The following TACC2 variants were observed in gnomAD, a reference collection of about 807,000 sequenced individuals.
TACC2 encodes the protein transforming acidic coiled-coil containing protein 2.
In TACC2, 137 loss-of-function variants were observed where a neutral mutation model predicts 227.3. That is an observed-to-expected ratio of 0.60 (90% CI 0.52 to 0.69). The LOEUF (loss-of-function observed/expected upper bound fraction) is 0.69, where lower values mean the gene tolerates loss of function less well. Among genes scored for constraint, TACC2 ranks in the 30% least tolerant of loss-of-function variants. The probability of loss-of-function intolerance (pLI) is 0.00; values close to 1 mark genes in which losing one functional copy is unlikely to be tolerated. For missense variants in TACC2, 3,470 were observed against 3,694.4 expected (o/e 0.94, Z 1.57); for synonymous variants, 1,523 against 1,487.5 (o/e 1.02, Z -0.55).
chr10:122,132,244 C>T (rs1332952348), intron 5 of TACC2, among the ~76,000 whole-genome samples: 3 of 152,092 alleles, frequency 2.0e-5, no homozygotes, highest in African/African-American at 7.2e-5. Flanking sequence ...GCTGTTAAAA[C>T]ACATTGAAAA....
chr10:122,075,122 C>T (rs1319466783), intron 3 of TACC2, among the ~76,000 whole-genome samples: 1 of 151,786 alleles, frequency 6.6e-6, no homozygotes, highest in African/African-American at 2.4e-5. Context: ...ATAGGGCAAC[C>T]CGCTCGGGTC....
rs533421355 is a variant in TACC2 at position 122,041,976 on chromosome 10, C to T, written c.34-8462C>T. ...TCTTTTCTTTTTTGAGACGGAGTCT[C>T]GCTCTGTCACCCAGGCTGGAGTGCA... is the stretch of plus-strand genomic sequence containing the variant. On this transcript the variant is annotated intron_variant, in intron 2 of 22. Coordinates refer to ENST00000369005, the MANE Select transcript of TACC2 (RefSeq NM_206862.4). Among the ~76,000 whole-genome samples, 44 of 151,000 alleles carry T rather than the reference C, an allele frequency of 2.9e-4. No homozygotes were observed. In the South Asian group the frequency reaches 7.0e-3, roughly 24 times the overall value.
At chr10:122,231,909 G>A (rs188960296) in intron 16 of TACC2, among the ~76,000 whole-genome samples, 13 of 152,350 alleles carry the variant, frequency 8.5e-5, no homozygotes, top group East Asian at 1.9e-4. Context: ...CTGCAGGGGG[G>A]CAGTGAGGTC....
intron 1 of TACC2, among the ~76,000 whole-genome samples, chr10:121,990,085 T>C (rs191241470): frequency 1.5e-3 from 228 of 152,290 alleles, no homozygotes; most frequent in African/African-American, 5.2e-3. Flanking sequence ...TTTTTTGAGA[T>C]ATTTTATTAA....
chr10:122,065,336 T>G (rs1228133002), intron 3 of TACC2, among the ~76,000 whole-genome samples: 1 of 152,228 alleles, frequency 6.6e-6, no homozygotes. Flanking sequence ...TCTGTTTTCA[T>G]TTTCATTCTG....
At chr10:122,076,146 C>A (rs1016369749) in intron 3 of TACC2, among the ~76,000 whole-genome samples, 6 of 152,120 alleles carry the variant, frequency 3.9e-5, no homozygotes, top group African/African-American at 1.4e-4. Context: ...GGGCAAGGGG[C>A]TGCTCCTGGT....
intron 7 of TACC2, among the ~76,000 whole-genome samples, chr10:122,186,676 C>G (rs1014855495): frequency 4.6e-5 from 7 of 152,068 alleles, no homozygotes; most frequent in African/African-American, 1.7e-4. Context: ...CCATACCTGG[C>G]TAATTTTTAT....
At chr10:122,192,356 G>A in intron 7 of TACC2, 1 of 271,528 alleles carries the variant, frequency 3.7e-6, no homozygotes, top group Non-Finnish European at 7.4e-6. Flanking sequence ...GAATTCAGGG[G>A]CTAGAACCGA....
rs377572872 is a variant in TACC2, at chr10:122,216,686, C to T, written c.7404C>T (p.Ala2468=). 4 of 1,613,874 alleles carry T rather than the reference C, an allele frequency of 2.5e-6. No homozygotes were observed. In the African/African-American group the frequency reaches 5.3e-5, roughly 22 times the overall value. ...CAGTGATCTCTGCGGTGGTCCACGCCACAGATGAGGAAAAGCTGGCGGTCA... is the reference window on the plus strand; with the variant it reads ...CAGTGATCTCTGCGGTGGTCCACGCTACAGATGAGGAAAAGCTGGCGGTCA... ...TPPVISAVVH[A]TDEEKLAVTN... The change falls in exon 11 of 23, where the codon GCC becomes GCT. Residue 2468 remains alanine, a synonymous_variant. Coordinates refer to ENST00000369005, the MANE Select transcript of TACC2 (RefSeq NM_206862.4).
intron 2 of TACC2, among the ~76,000 whole-genome samples, chr10:122,046,036 G>C (rs894415963): frequency 6.6e-6 from 1 of 152,138 alleles, no homozygotes; most frequent in Non-Finnish European, 1.5e-5. Flanking sequence ...TTAGCTGGGT[G>C]TGGTGGTGCA....
rs1052582146 is a variant in TACC2, at chr10:122,132,604, C to T, written c.5574-5C>T. The stretch of plus-strand genomic sequence containing the variant: ...GTTTAGGTTCTTTCCCTTTTCTCTC[C>T]CCAGTTCACCTGTGGCAGATGATAT... On this transcript the variant is annotated splice_region_variant and splice_polypyrimidine_tract_variant and intron_variant, in intron 5 of 22. Coordinates refer to ENST00000369005, the MANE Select transcript of TACC2 (RefSeq NM_206862.4). The T allele has an allele frequency of 1.9e-5, 30 of 1,614,000 alleles. No homozygotes were observed. The highest frequency in any genetic ancestry group is 5.3e-5 in the African/African-American group (4 of 74,900).
chr10:122,136,004 A>G (rs1325894890), intron 6 of TACC2, among the ~76,000 whole-genome samples: 3 of 152,238 alleles, frequency 2.0e-5, no homozygotes, highest in Non-Finnish European at 2.9e-5. Context: ...TCCTCCCGGC[A>G]TGAGGGGTAG....
chr10:122,145,330 A>G (rs2091231638), intron 7 of TACC2, among the ~76,000 whole-genome samples: 1 of 152,214 alleles, frequency 6.6e-6, no homozygotes, highest in Non-Finnish European at 1.5e-5. Flanking sequence ...AATATTACTC[A>G]CCCATAAAAA....
chr10:122,140,144 A>G (rs2090320830), intron 6 of TACC2, among the ~76,000 whole-genome samples: 1 of 152,222 alleles, frequency 6.6e-6, no homozygotes, highest in African/African-American at 2.4e-5. Context: ...TGAGGACCTT[A>G]GCAAGGTGCT....
intron 21 of TACC2, 103 bp from the exon 22 acceptor site, chr10:122,249,441 C>A: frequency 1.3e-6 from 2 of 1,488,758 alleles, no homozygotes; most frequent in Non-Finnish European, 1.8e-6. Context: ...TTGGTGGCAG[C>A]TGGGGCCAGA....
chr10:122,114,766 G>C (rs562940359), intron 5 of TACC2, among the ~76,000 whole-genome samples: 2 of 152,156 alleles, frequency 1.3e-5, no homozygotes, highest in Non-Finnish European at 2.9e-5. Flanking sequence ...TTCATATACC[G>C]GTGTTATGGA....
At position 122,002,150 on chromosome 10, in the gene TACC2, A is replaced by G. The variant is rs542326493; in HGVS notation, c.-46+12662A>G. On this transcript the variant is annotated intron_variant, in intron 1 of 22. Transcript: ENST00000369005. ...ATGGCCACCTTCTTGCTGTATCCTC[A>G]TATGATAAAGGGACCATTTCTCTCA... Among the ~76,000 whole-genome samples, 15 of 152,314 alleles carry G rather than the reference A, an allele frequency of 9.8e-5. No homozygotes were observed. The East Asian group carries it at 1.7e-3, about 18-fold the overall frequency.
At chr10:122,167,291 G>A (rs1173372044) in intron 7 of TACC2, among the ~76,000 whole-genome samples, 2 of 152,222 alleles carry the variant, frequency 1.3e-5, no homozygotes, top group Admixed American at 6.5e-5. Context: ...GGGCCAGGGT[G>A]GATGGGAGAG....
chr10:122,205,817 G>C lies in TACC2; in HGVS notation c.5972-4580G>C, dbSNP rs2095084867. Among the ~76,000 whole-genome samples the C allele has an allele frequency of 6.6e-6, 1 of 152,302 alleles. No individual in the cohort carries two copies. Among genetic ancestry groups the C allele is most frequent in the East Asian group, 1.9e-4 (1 of 5,186 alleles). On this transcript the variant is annotated intron_variant, in intron 8 of 22. Coordinates refer to ENST00000369005, the MANE Select transcript of TACC2 (RefSeq NM_206862.4). This position sits in a 1 kb window ranked among gnomAD's most constrained non-coding sequence, Gnocchi z 4.5. Reference sequence around the variant, plus strand: ...GTTGAATTCATCACGGACTTGCTCTGAGCTACCCACAGCAACCAGCAAACT... The same window carrying C: ...GTTGAATTCATCACGGACTTGCTCTCAGCTACCCACAGCAACCAGCAAACT...
Sources: gnomAD v4.1 joint callset for allele counts (sites outside exome capture counted in the v4.1 genomes callset) on GRCh38, gnomAD v4.1.1 for gene constraint, Gnocchi (gnomAD v3.1) non-coding constraint, MANE v1.5 for transcripts, NCBI Gene and HGNC (gene_info 2026-07-23, HGNC 2026-07-21) for gene names.